The following ZBTB44 variants were observed in gnomAD, a reference collection of about 807,000 sequenced individuals.
ZBTB44 encodes the protein zinc finger and BTB domain-containing protein 44.
ZBTB44 carries 15 observed loss-of-function variants against 54.0 expected under a neutral mutation model. The ratio of observed to expected loss-of-function variants is 0.28; its 90% CI spans 0.19 to 0.43. The LOEUF is 0.43. Ranked by LOEUF, ZBTB44 falls within the 20% of genes least tolerant of loss-of-function variation. ZBTB44 has a pLI of 1.00. For missense variants in ZBTB44, 487 were observed against 707.1 expected (o/e 0.69, Z 3.53); for synonymous variants, 230 against 250.1 (o/e 0.92, Z 0.76).
At chr11:130,300,321 T>C (rs1259428779) in intron 1 of ZBTB44, among the ~76,000 whole-genome samples, 3 of 151,756 alleles carry the variant, frequency 2.0e-5, no homozygotes, top group Non-Finnish European at 4.4e-5. Context: ...AATTTTATGT[T>C]ACGTGTATTT....
chr11:130,307,380 G>A (rs1452457194), intron 1 of ZBTB44, among the ~76,000 whole-genome samples: 3 of 150,664 alleles, frequency 2.0e-5, no homozygotes, highest in East Asian at 2.0e-4. Context: ...AGCTGAGATC[G>A]TGCCACTGCA....
intron 3 of ZBTB44, 160 bp from the exon 4 acceptor site, chr11:130,238,767 CAATGTT>C (rs1954223653): frequency 2.7e-6 from 2 of 744,732 alleles, no homozygotes; most frequent in Non-Finnish European, 3.9e-6. Flanking sequence ...ATATGAAAAA[CAATGTT>C]AATGTCCAGA....
rs536502128 is a variant in ZBTB44, at chr11:130,267,218, C to T, written c.-56-5289G>A. Among the ~76,000 whole-genome samples, 6 of 152,170 alleles carry T rather than the reference C, an allele frequency of 3.9e-5. No individual in the cohort carries two copies. The South Asian group carries it at 1.2e-3, about 32-fold the overall frequency. ...AGCAGAGGTTACAGTGAGCCGAGAT[C>T]AAGCCACTGTACATCAACCTGGGCG... On this transcript the variant is annotated intron_variant, in intron 1 of 7. Transcript: ENST00000357899.
chr11:130,240,893 G>A (rs747862160), intron 2 of ZBTB44, among the ~76,000 whole-genome samples: 3 of 152,240 alleles, frequency 2.0e-5, no homozygotes, highest in African/African-American at 7.2e-5. Context: ...CCATGTGGCA[G>A]TTATGTCTAA....
At chr11:130,307,741 AG>A (rs1942358974) in intron 1 of ZBTB44, among the ~76,000 whole-genome samples, 1 of 152,104 alleles carries the variant, frequency 6.6e-6, no homozygotes, top group African/African-American at 2.4e-5. Context: ...TCACTGCTGG[AG>A]GAATCACATT....
intron 1 of ZBTB44, among the ~76,000 whole-genome samples, chr11:130,278,931 ACAGG>A (rs1360717533): frequency 2.6e-5 from 4 of 152,186 alleles, no homozygotes; most frequent in Non-Finnish European, 5.9e-5. Flanking sequence ...TCTCTCTCAC[ACAGG>A]CAGTTTATAA....
At chr11:130,253,548 C>T (rs1457756384) in intron 2 of ZBTB44, among the ~76,000 whole-genome samples, 1 of 152,106 alleles carries the variant, frequency 6.6e-6, no homozygotes, top group Non-Finnish European at 1.5e-5. Flanking sequence ...AACTATAAAC[C>T]ACTGCTCAAT....
chr11:130,307,360 G>C (rs540102859), intron 1 of ZBTB44, among the ~76,000 whole-genome samples: 1 of 150,894 alleles, frequency 6.6e-6, no homozygotes, highest in African/African-American at 2.4e-5. Flanking sequence ...AGGGGATGAA[G>C]CTTGCAGTGA....
intron 1 of ZBTB44, among the ~76,000 whole-genome samples, chr11:130,272,099 G>A (rs1939714613): frequency 1.3e-5 from 2 of 151,318 alleles, no homozygotes; most frequent in South Asian, 4.2e-4. Context: ...GGGTGTAGGG[G>A]TGGGCGCCTG....
chr11:130,312,629 G>A (rs1382241242), intron 1 of ZBTB44, among the ~76,000 whole-genome samples: 3 of 151,872 alleles, frequency 2.0e-5, no homozygotes, highest in Admixed American at 6.6e-5. Context: ...AAGAAGGGAG[G>A]GAATATTCAT....
intron 1 of ZBTB44, among the ~76,000 whole-genome samples, chr11:130,312,982 T>C (rs1304091492): frequency 6.6e-6 from 1 of 152,180 alleles, no homozygotes; most frequent in Non-Finnish European, 1.5e-5. Flanking sequence ...TGCTAATCAC[T>C]GAGTTGGTTA....
chr11:130,238,597 C>T lies in ZBTB44; in HGVS notation c.1114G>A (p.Val372Ile), dbSNP rs762325352. 6.2e-7 allele frequency: 1 copy of T among 1,609,576 alleles called. No homozygotes were observed. The highest frequency in any genetic ancestry group is 1.7e-5 in the Admixed American group (1 of 58,994). ...ATGTAGAGTTGGTAGGGATACTGAA[C>T]ATTTTCCAATCTAAAAAAAACAGAC... ...PPDDDDRLEN[V>I]QYPYQLYIAP... Residue 372 changes from valine (V) to isoleucine (I), a missense_variant, in exon 4 of 8, where the codon GTT becomes ATT. By Grantham distance (29) the Val-to-Ile change is conservative. Coordinates refer to ENST00000357899, the MANE Select transcript of ZBTB44 (RefSeq NM_001301098.2).
At position 130,229,150 on chromosome 11, in the gene ZBTB44, T is replaced by C. The variant is rs539528761; in HGVS notation, c.*2614A>G. ...AGATACTGCCAAACCGAGATACCAATAACATCTGAAATCTTTGCAGAGACT... is the reference window on the plus strand; with the variant it reads ...AGATACTGCCAAACCGAGATACCAACAACATCTGAAATCTTTGCAGAGACT... On this transcript the variant is annotated 3_prime_UTR_variant, in exon 8 of 8. Coordinates refer to ENST00000357899, the MANE Select transcript of ZBTB44 (RefSeq NM_001301098.2). 1 of 152,246 alleles carries C rather than the reference T, an allele frequency of 6.6e-6. No homozygotes were observed. Among genetic ancestry groups the C allele is most frequent in the South Asian group, 2.1e-4 (1 of 4,832 alleles). The allele number at this position is 152,246 out of a possible 1,614,324, so 9.4% of individuals were successfully genotyped here. A position where few individuals can be genotyped will look rare whatever the true frequency, so the allele number is the denominator to read the frequency against.
intron 1 of ZBTB44, among the ~76,000 whole-genome samples, chr11:130,278,434 T>C (rs543041335): frequency 6.6e-6 from 1 of 152,338 alleles, no homozygotes; most frequent in South Asian, 2.1e-4. Flanking sequence ...ACTAAAAACT[T>C]GTAAGTCAAA....
At chr11:130,262,255 T>C (rs1938915524) in intron 1 of ZBTB44, among the ~76,000 whole-genome samples, 1 of 152,182 alleles carries the variant, frequency 6.6e-6, no homozygotes, top group Admixed American at 6.5e-5. Flanking sequence ...TTCTCCTGCC[T>C]CAGCCTCCCG....
rs1363676045 is a variant in ZBTB44, at chr11:130,261,162, G to C, written c.712C>G (p.Arg238Gly). 1 of 1,613,824 alleles carries C rather than the reference G, an allele frequency of 6.2e-7. No homozygotes were observed. The highest frequency in any genetic ancestry group is 1.7e-5 in the Admixed American group (1 of 60,004). The change falls in exon 2 of 8, where the codon CGA (arginine) becomes GGA (glycine). Residue 238 changes from arginine (R) to glycine (G), a missense_variant. This residue lies in a region of ZBTB44 where 277 missense variants were observed against 306.5 expected (regional missense o/e 0.90). Transcript: ENST00000357899. This position sits in a 1 kb window ranked among gnomAD's most constrained non-coding sequence, Gnocchi z 4.8. ...TTAACTTTCTCAGGCTGAATCCTTCGATCAATTCCAAAAGGAAAAGTCCAA... is the reference window on the plus strand; with the variant it reads ...TTAACTTTCTCAGGCTGAATCCTTCCATCAATTCCAAAAGGAAAAGTCCAA... ...FPWTFPFGIDRRIQPEKVKQA... is the reference protein window; with the variant it reads ...FPWTFPFGIDGRIQPEKVKQA...
chr11:130,314,622 G>T lies in ZBTB44; in HGVS notation c.-304C>A, dbSNP rs984588801. 30 of 152,062 alleles carry T rather than the reference G, an allele frequency of 2.0e-4. No individual in the cohort carries two copies. The highest frequency in any genetic ancestry group is 7.3e-4 in the African/African-American group (30 of 41,378). The allele number at this position is 152,062 out of a possible 1,614,324, so 9.4% of individuals were successfully genotyped here. On this transcript the variant is annotated 5_prime_UTR_variant, in exon 1 of 8. Transcript: ENST00000357899. ...CCCGCGAGTGGGAGTGCGAGGAGGC[G>T]GGGAGGGAAGCACCCCCAGCGCTCG...
intron 1 of ZBTB44, chr11:130,310,092 G>A (rs939593201): frequency 1.3e-5 from 2 of 151,842 alleles, no homozygotes; most frequent in Admixed American, 1.3e-4. Flanking sequence ...AAGGCAGCAG[G>A]ATCACTTGAG....
In ZBTB44 at chr11:130,302,902, A is replaced by G. The variant is rs549257159; in HGVS notation, c.-57+11473T>C. On this transcript the variant is annotated intron_variant, in intron 1 of 7. Transcript: ENST00000357899. ...AGGCGGGAGAATCTCTTGAACCTGG[A>G]AAGTGCAGGTTGCAGGGAGCCAAGA... is the stretch of plus-strand genomic sequence containing the variant. Among the ~76,000 whole-genome samples the G allele has an allele frequency of 7.2e-4, 109 of 152,054 alleles. 1 individual carries two copies. The South Asian group carries it at 0.017, about 24-fold the overall frequency.
Sources: gnomAD v4.1 joint callset for allele counts (sites outside exome capture counted in the v4.1 genomes callset) on GRCh38, gnomAD v4.1.1 for gene constraint, gnomAD v4.1.1 regional missense constraint, Gnocchi (gnomAD v3.1) non-coding constraint, MANE v1.5 for transcripts, NCBI Gene and HGNC (gene_info 2026-07-23, HGNC 2026-07-21) for gene names.